Variants in MIPOL1 observed in about 807,000 individuals in gnomAD.
MIPOL1 encodes the protein mirror-image polydactyly gene 1 protein.
In MIPOL1, 57 loss-of-function variants were observed where a neutral mutation model predicts 60.9. The observed-to-expected ratio is 0.94, with a 90% confidence interval of 0.76 to 1.17. The LOEUF (loss-of-function observed/expected upper bound fraction) is 1.17. MIPOL1 is among the 50% of genes most tolerant of loss of function. The pLI is 0.00. For missense variants in MIPOL1, 551 were observed against 511.6 expected (o/e 1.08, Z -0.74); for synonymous variants, 179 against 168.8 (o/e 1.06, Z -0.47).
At chr14:37,312,926 T>G (rs1480669998) in intron 9 of MIPOL1, among the ~76,000 whole-genome samples, 1 of 152,178 alleles carries the variant, frequency 6.6e-6, no homozygotes, top group East Asian at 1.9e-4. Context: ...CAGATTATTA[T>G]TCTATACAAA....
chr14:37,391,396 C>T (rs1457685893), intron 10 of MIPOL1, among the ~76,000 whole-genome samples: 1 of 102,636 alleles, frequency 9.7e-6, no homozygotes, highest in Non-Finnish European at 1.8e-5. Context: ...CTAATGAAGC[C>T]TAATCTTTTT....
chr14:37,469,192 TCA>T (rs1276471808), intron 11 of MIPOL1, among the ~76,000 whole-genome samples: 11 of 152,190 alleles, frequency 7.2e-5, no homozygotes, highest in Admixed American at 3.9e-4. Context: ...TTTAATTGAC[TCA>T]CAGTTCTGCA....
chr14:37,370,425 A>ATT (rs3062674), intron 10 of MIPOL1, among the ~76,000 whole-genome samples: 147,467 of 152,230 alleles, frequency 0.97, 71,502 homozygotes, highest in East Asian at 1. Flanking sequence ...AAGATTCATC[A>ATT]GTTTTTATTG....
intron 9 of MIPOL1, among the ~76,000 whole-genome samples, chr14:37,309,431 T>C (rs2087101191): frequency 6.6e-6 from 1 of 152,142 alleles, no homozygotes; most frequent in South Asian, 2.1e-4. Context: ...CCTATTCCAA[T>C]GTCTCTTTCT....
chr14:37,431,827 C>T (rs1386415685), intron 11 of MIPOL1, among the ~76,000 whole-genome samples: 2 of 151,664 alleles, frequency 1.3e-5, no homozygotes, highest in African/African-American at 4.8e-5. Flanking sequence ...CCTCGTGATC[C>T]GCTCGCCTCA....
intron 11 of MIPOL1, among the ~76,000 whole-genome samples, chr14:37,489,488 T>C (rs1382822721): frequency 6.6e-6 from 1 of 152,206 alleles, no homozygotes; most frequent in Non-Finnish European, 1.5e-5. Context: ...TTTATTCCCT[T>C]GCTGGCAATG....
intron 11 of MIPOL1, among the ~76,000 whole-genome samples, chr14:37,457,323 C>A (rs923605759): frequency 6.6e-6 from 1 of 152,140 alleles, no homozygotes; most frequent in Admixed American, 6.5e-5. Flanking sequence ...TCCTTAGTGC[C>A]TTGAACAGTC....
At chr14:37,513,625 A>G (rs1391504197) in intron 12 of MIPOL1, among the ~76,000 whole-genome samples, 1 of 152,190 alleles carries the variant, frequency 6.6e-6, no homozygotes, top group South Asian at 2.1e-4. Context: ...AAGAAGAAAA[A>G]GGGCTCTTTA....
At chr14:37,375,331 C>T (rs1475429845) in intron 10 of MIPOL1, among the ~76,000 whole-genome samples, 1 of 152,078 alleles carries the variant, frequency 6.6e-6, no homozygotes, top group Non-Finnish European at 1.5e-5. Context: ...ACCTCAGCCT[C>T]CCACATAACT....
intron 7 of MIPOL1, among the ~76,000 whole-genome samples, chr14:37,288,356 C>T (rs927872065): frequency 7.2e-5 from 11 of 152,016 alleles, no homozygotes; most frequent in Non-Finnish European, 1.3e-4. Flanking sequence ...TGGGCTGATA[C>T]AAAGTTTGTC....
At chr14:37,357,178 C>G (rs764372361) in intron 9 of MIPOL1, among the ~76,000 whole-genome samples, 5 of 152,122 alleles carry the variant, frequency 3.3e-5, no homozygotes, top group Non-Finnish European at 7.4e-5. Flanking sequence ...TCTGAGGAAC[C>G]TCCAAAATTT....
intron 1 of MIPOL1, among the ~76,000 whole-genome samples, chr14:37,236,857 C>G (rs1971573535): frequency 6.6e-6 from 1 of 152,136 alleles, no homozygotes; most frequent in African/African-American, 2.4e-5. Context: ...CTCTTTCAGT[C>G]TTTGCAAATT....
chr14:37,221,158 G>A (rs1233025955), intron 1 of MIPOL1, among the ~76,000 whole-genome samples: 2 of 152,036 alleles, frequency 1.3e-5, no homozygotes, highest in East Asian at 3.9e-4. Flanking sequence ...ATCTTGTGTT[G>A]CTATAAGAGA....
At chr14:37,240,829 G>A (rs1216365849) in intron 1 of MIPOL1, among the ~76,000 whole-genome samples, 1 of 151,858 alleles carries the variant, frequency 6.6e-6, no homozygotes, top group Non-Finnish European at 1.5e-5. Context: ...TCCAAATTTT[G>A]AAAATGTGGA....
chr14:37,530,072 G>A (rs948114197), intron 12 of MIPOL1, among the ~76,000 whole-genome samples: 2 of 152,196 alleles, frequency 1.3e-5, no homozygotes, highest in African/African-American at 2.4e-5. Context: ...TGATAGTATA[G>A]TATTTTAAGA....
At chr14:37,528,023 A>G (rs2153634822) in intron 12 of MIPOL1, among the ~76,000 whole-genome samples, 1 of 152,184 alleles carries the variant, frequency 6.6e-6, no homozygotes, top group South Asian at 2.1e-4. Flanking sequence ...TCACTTTAGC[A>G]GTTATATACA....
At chr14:37,451,190 G>A (rs1327871317) in intron 11 of MIPOL1, among the ~76,000 whole-genome samples, 1 of 152,080 alleles carries the variant, frequency 6.6e-6, no homozygotes, top group East Asian at 1.9e-4. Context: ...GGCAATATTA[G>A]CTACTTTGTA....
intron 7 of MIPOL1, among the ~76,000 whole-genome samples, chr14:37,304,660 C>T (rs925564768): frequency 2.6e-5 from 4 of 151,752 alleles, no homozygotes; most frequent in African/African-American, 9.6e-5. Context: ...ACAAGGTGAA[C>T]GACTGTAGTT....
At chr14:37,370,023 A>G (rs1302028684) in intron 10 of MIPOL1, 1 of 152,446 alleles carries the variant, frequency 6.6e-6, no homozygotes, top group Non-Finnish European at 1.5e-5. Flanking sequence ...CAGAACTGAC[A>G]GTCCTTGAAG....
Sources: gnomAD v4.1 joint callset for allele counts (sites outside exome capture counted in the v4.1 genomes callset) on GRCh38, gnomAD v4.1.1 for gene constraint, MANE v1.5 for transcripts, NCBI Gene and HGNC (gene_info 2026-07-23, HGNC 2026-07-21) for gene names.